XYLT1: variants seen among roughly 807,000 people sequenced by gnomAD.
The protein encoded by XYLT1 is xylosyltransferase 1.
Under a neutral mutation model 91.3 loss-of-function variants are expected in XYLT1, and 36 were observed. The observed-to-expected ratio is 0.39, with a 90% confidence interval of 0.30 to 0.52. The LOEUF (loss-of-function observed/expected upper bound fraction) is 0.52. Among genes scored for constraint, XYLT1 ranks in the 20% least tolerant of loss-of-function variants. The pLI, the probability that XYLT1 is intolerant of heterozygous loss-of-function variation, is 0.68. For missense variants in XYLT1, 1,242 were observed against 1,284.5 expected, an observed-to-expected ratio of 0.97 and a Z score of 0.51; for synonymous variants, 588 against 532.0, an observed-to-expected ratio of 1.11 and a Z score of -1.45.
chr16:17,343,958 G>A lies in XYLT1; in HGVS notation c.402+14054C>T, dbSNP rs74013023. Reference sequence around the variant, plus strand: ...TTCAACCAGCAGACTTCACCTAAACGTCACCAGCTCCGTCTCATTACAGTC... The same window carrying A: ...TTCAACCAGCAGACTTCACCTAAACATCACCAGCTCCGTCTCATTACAGTC... On this transcript the variant is annotated intron_variant, in intron 2 of 11. Transcript: ENST00000261381. 4.2e-3 allele frequency among the ~76,000 whole-genome samples: 632 copies of A among 152,244 alleles called. 4 individuals carry two copies. Among genetic ancestry groups the A allele is most frequent in the African/African-American group, 0.014 (577 of 41,534 alleles).
intron 3 of XYLT1, among the ~76,000 whole-genome samples, chr16:17,246,012 G>C (rs2033430462): frequency 1.3e-5 from 2 of 152,170 alleles, no homozygotes. Flanking sequence ...TGAGCACAAG[G>C]AGCAAATGTA....
rs531453080 is a variant in XYLT1 at position 17,460,556 on chromosome 16, G to A, written c.363+9878C>T. On this transcript the variant is annotated intron_variant, in intron 1 of 11. Transcript: ENST00000261381. ...ATTTTTATGTCTTCATAGTGAACAC[G>A]GAGGTCTTCCAAATGGGCTGCAAAC... Among the ~76,000 whole-genome samples, 10 of 152,184 alleles carry A rather than the reference G, an allele frequency of 6.6e-5. No individual in the cohort carries two copies. The South Asian group carries it at 1.7e-3, about 25-fold the overall frequency.
intron 9 of XYLT1, among the ~76,000 whole-genome samples, chr16:17,130,443 T>A (rs1567285683): frequency 6.9e-6 from 1 of 144,580 alleles, no homozygotes; most frequent in East Asian, 2.1e-4. Context: ...TCCAAAAAAT[T>A]TAGAAGTCAA....
intron 6 of XYLT1, among the ~76,000 whole-genome samples, chr16:17,151,575 G>T (rs1415169276): frequency 1.3e-5 from 2 of 152,192 alleles, no homozygotes; most frequent in East Asian, 3.9e-4. Context: ...TCATGGGGTT[G>T]TTGTAGAAAG....
chr16:17,255,721 G>A (rs117081518), intron 3 of XYLT1, among the ~76,000 whole-genome samples: 7,957 of 152,064 alleles, frequency 0.052, 291 homozygotes, highest in Non-Finnish European at 0.074. Flanking sequence ...TAAAAGTATC[G>A]TGTAGGCCAG....
intron 3 of XYLT1, among the ~76,000 whole-genome samples, chr16:17,252,824 C>G (rs1010313850): frequency 2.0e-5 from 3 of 152,158 alleles, no homozygotes; most frequent in Non-Finnish European, 2.9e-5. Context: ...AGACTTGCAG[C>G]CATGAGGAAT....
chr16:17,266,470 G>A (rs1283184668), intron 2 of XYLT1, among the ~76,000 whole-genome samples: 1 of 152,134 alleles, frequency 6.6e-6, no homozygotes, highest in Admixed American at 6.5e-5. Flanking sequence ...TTTCAGATTG[G>A]AACATTAAGG....
chr16:17,263,907 C>G (rs562790958), intron 2 of XYLT1, among the ~76,000 whole-genome samples: 1 of 152,212 alleles, frequency 6.6e-6, no homozygotes, highest in Admixed American at 6.5e-5. Flanking sequence ...CGGGTTTTCA[C>G]CATGTTGGCC....
At chr16:17,201,730 C>T (rs937311358) in intron 3 of XYLT1, among the ~76,000 whole-genome samples, 1 of 152,128 alleles carries the variant, frequency 6.6e-6, no homozygotes, top group African/African-American at 2.4e-5. Flanking sequence ...CCTACCTTGG[C>T]CTCCCAAAGT....
intron 1 of XYLT1, among the ~76,000 whole-genome samples, chr16:17,373,583 C>T (rs116220262): frequency 0.018 from 2,773 of 152,302 alleles, 83 homozygotes; most frequent in African/African-American, 0.063. Context: ...AGCTGTAGAA[C>T]TCATAATAAT....
intron 1 of XYLT1, among the ~76,000 whole-genome samples, chr16:17,468,494 G>A (rs558959909): frequency 6.6e-6 from 1 of 152,156 alleles, no homozygotes; most frequent in African/African-American, 2.4e-5. Context: ...AAGCACCTCC[G>A]CTGCTGGAAC....
chr16:17,283,506 A>G (rs2141787731), intron 2 of XYLT1, among the ~76,000 whole-genome samples: 1 of 152,348 alleles, frequency 6.6e-6, no homozygotes, highest in African/African-American at 2.4e-5. Flanking sequence ...CTCGCCTGCC[A>G]TGACAGTGAG....
At chr16:17,113,727 G>A (rs1309950612) in intron 11 of XYLT1, among the ~76,000 whole-genome samples, 1 of 152,238 alleles carries the variant, frequency 6.6e-6, no homozygotes, top group African/African-American at 2.4e-5. Context: ...AGTTAGGTCA[G>A]ACCCTTTTTG....
At chr16:17,306,134 A>G (rs1386437400) in intron 2 of XYLT1, among the ~76,000 whole-genome samples, 1 of 152,154 alleles carries the variant, frequency 6.6e-6, no homozygotes, top group African/African-American at 2.4e-5. Context: ...TGTATGTGGA[A>G]ATTTCAGGGT....
intron 8 of XYLT1, 37 bp downstream of exon 8, chr16:17,138,318 T>C: frequency 1.3e-6 from 2 of 1,598,024 alleles, no homozygotes; most frequent in Middle Eastern, 2.1e-4. Context: ...TGGGAAGGCA[T>C]CACTTAGGAG....
chr16:17,322,736 G>A (rs138418092), intron 2 of XYLT1, among the ~76,000 whole-genome samples: 7 of 152,224 alleles, frequency 4.6e-5, no homozygotes, highest in South Asian at 2.1e-4. Flanking sequence ...AGTTATCTCC[G>A]TTAAACTCTC....
chr16:17,273,054 C>G (rs2033920040), intron 2 of XYLT1, among the ~76,000 whole-genome samples: 1 of 152,180 alleles, frequency 6.6e-6, no homozygotes, highest in African/African-American at 2.4e-5. Context: ...GAAGAGCTGT[C>G]CTGCATCCTG....
intron 1 of XYLT1, among the ~76,000 whole-genome samples, chr16:17,442,061 T>C (rs751275916): frequency 6.6e-6 from 1 of 152,116 alleles, no homozygotes; most frequent in Non-Finnish European, 1.5e-5. Context: ...CTGCCTGGCT[T>C]CTTGAGCTGG....
chr16:17,448,322 G>A lies in XYLT1; in HGVS notation c.363+22112C>T, dbSNP rs1346869654. The stretch of plus-strand genomic sequence containing the variant: ...GGAGGTTGCAGTGAGCCGAGATTGC[G>A]CCACTGCACTCCAGCCTGGGCGCAG... On this transcript the variant is annotated intron_variant, in intron 1 of 11. Transcript: ENST00000261381. Among the ~76,000 whole-genome samples, 3 of 152,180 alleles carry A rather than the reference G, an allele frequency of 2.0e-5. No individual in the cohort carries two copies. In the South Asian group the frequency reaches 6.2e-4, roughly 32 times the overall value.
Sources: allele counts gnomAD v4.1 joint callset (sites outside exome capture counted in the v4.1 genomes callset), GRCh38; gene constraint gnomAD v4.1.1; transcripts MANE v1.5; gene names NCBI Gene and HGNC (gene_info 2026-07-23, HGNC 2026-07-21).